SLC37A3: variants seen among roughly 807,000 people sequenced by gnomAD.
SLC37A3 encodes solute carrier family 37 member 3.
Under a neutral mutation model 67.1 loss-of-function variants are expected in SLC37A3, and 51 were observed. That is an observed-to-expected ratio of 0.76 (90% CI 0.61 to 0.96). SLC37A3 has a LOEUF of 0.96. Ranked by LOEUF, SLC37A3 falls within the 40% of genes least tolerant of loss-of-function variation. SLC37A3 has a pLI of 0.00. For missense variants in SLC37A3, 508 were observed against 603.0 expected (o/e 0.84, Z 1.65); for synonymous variants, 214 against 231.4 (o/e 0.92, Z 0.68).
chr7:140,347,546 A>C (rs1796613611), intron 10 of SLC37A3, among the ~76,000 whole-genome samples: 1 of 152,180 alleles, frequency 6.6e-6, no homozygotes, highest in East Asian at 1.9e-4. Flanking sequence ...GCCAAGTTCA[A>C]ATACAGTAAT....
chr7:140,343,987 C>G (rs910432544), intron 12 of SLC37A3: 1 of 222,046 alleles, frequency 4.5e-6, no homozygotes, highest in Non-Finnish European at 8.9e-6. Context: ...GCAGGTGACT[C>G]TATCTGCCAC....
chr7:140,384,556 A>G (rs560002657), intron 1 of SLC37A3, among the ~76,000 whole-genome samples: 1 of 111,716 alleles, frequency 9.0e-6, no homozygotes, highest in African/African-American at 3.4e-5. Context: ...TACAAAAACT[A>G]AAAAAAAAAA....
Position 140,345,750 on chromosome 7 carries a change from T to C in SLC37A3, c.1126+119A>G. 4 of 757,472 alleles carry C rather than the reference T, an allele frequency of 5.3e-6. No homozygotes were observed. The South Asian group carries it at 5.9e-5, about 11-fold the overall frequency. 46.9% of individuals were successfully genotyped at this position (757,472 alleles called of 1,614,324 possible). The stretch of plus-strand genomic sequence containing the variant: ...CACAGGACAATGCAAAGGTGGCATA[T>C]CGGGCCTTGAAGCTGGTCTCCAGGC... On this transcript the variant is annotated intron_variant, in intron 11 of 14. Coordinates refer to ENST00000326232, the MANE Select transcript of SLC37A3 (RefSeq NM_207113.3).
chr7:140,377,967 T>C (rs1213073642), intron 3 of SLC37A3, among the ~76,000 whole-genome samples: 1 of 152,224 alleles, frequency 6.6e-6, no homozygotes, highest in African/African-American at 2.4e-5. Flanking sequence ...TTCCCTTTGC[T>C]GAGTTTACCT....
Position 140,382,549 on chromosome 7 carries a change from A to G in SLC37A3, c.-23T>C. Reference sequence around the variant, plus strand: ...CATGTTCTTCCTGACCTTCCTTCTCACCTTTGACCTTAAGGTTTGGATGAG... The same window carrying G: ...CATGTTCTTCCTGACCTTCCTTCTCGCCTTTGACCTTAAGGTTTGGATGAG... On this transcript the variant is annotated 5_prime_UTR_variant, in exon 2 of 15. Transcript: ENST00000326232. The G allele has an allele frequency of 6.2e-7, 1 of 1,608,110 alleles. No individual in the cohort carries two copies. Among genetic ancestry groups the G allele is most frequent in the Non-Finnish European group, 8.5e-7 (1 of 1,175,154 alleles).
chr7:140,353,478 GA>G (rs778750469), intron 7 of SLC37A3, among the ~76,000 whole-genome samples: 372 of 139,992 alleles, frequency 2.7e-3, no homozygotes, highest in Non-Finnish European at 4.1e-3. Flanking sequence ...CTCTGTCTTG[GA>G]AAAAAAAAAA....
chr7:140,343,420 C>A lies in SLC37A3; in HGVS notation c.1318G>T (p.Val440Leu). ...CTCTCCTGTTCTCTCACCTGGCCCACTGCAGCTCCAATGCTCCCCGAACCA... is the reference window on the plus strand; with the variant it reads ...CTCTCCTGTTCTCTCACCTGGCCCAATGCAGCTCCAATGCTCCCCGAACCA... ...VDGSGSIGAA[V>L]GQYLVSLIRD... The change falls in exon 13 of 15, where the codon GTG (valine) becomes TTG (leucine). Residue 440 changes from valine to leucine, a missense_variant. Transcript: ENST00000326232. 6.2e-7 allele frequency: 1 copy of A among 1,613,664 alleles called. No individual in the cohort carries two copies. The highest frequency in any genetic ancestry group is 8.5e-7 in the Non-Finnish European group (1 of 1,179,934).
intron 9 of SLC37A3, among the ~76,000 whole-genome samples, chr7:140,349,544 G>A (rs984636621): frequency 1.3e-4 from 19 of 150,392 alleles, no homozygotes; most frequent in African/African-American, 3.7e-4. Context: ...AAAAAGGGGG[G>A]GGGGACAGAG....
intron 4 of SLC37A3, among the ~76,000 whole-genome samples, chr7:140,368,716 T>C (rs1273089142): frequency 2.0e-5 from 3 of 152,208 alleles, no homozygotes; most frequent in African/African-American, 4.8e-5. Flanking sequence ...TCAAATGTAA[T>C]GCATCCAAAA....
chr7:140,393,818 G>A (rs1019292912), intron 1 of SLC37A3, among the ~76,000 whole-genome samples: 4 of 152,008 alleles, frequency 2.6e-5, no homozygotes, highest in Admixed American at 6.6e-5. Flanking sequence ...GTGGCTCTCT[G>A]TGTCCTGAGT....
chr7:140,366,997 G>A (rs966717017), intron 4 of SLC37A3, among the ~76,000 whole-genome samples: 1 of 151,242 alleles, frequency 6.6e-6, no homozygotes. Context: ...AATTAGCAGG[G>A]CATGGTGGCA....
intron 6 of SLC37A3, among the ~76,000 whole-genome samples, chr7:140,356,710 TA>T (rs922638351): frequency 1.5e-3 from 226 of 152,116 alleles, no homozygotes; most frequent in Middle Eastern, 6.8e-3. Context: ...AAAATGTTTT[TA>T]AAAAGATGCT....
chr7:140,396,226 A>C (rs1238563122), intron 1 of SLC37A3, among the ~76,000 whole-genome samples: 1 of 151,712 alleles, frequency 6.6e-6, no homozygotes, highest in Non-Finnish European at 1.5e-5. Flanking sequence ...TGCTATGTTA[A>C]CCAGTCTGGT....
At chr7:140,349,109 T>C (rs968204343) in intron 9 of SLC37A3, among the ~76,000 whole-genome samples, 1 of 152,226 alleles carries the variant, frequency 6.6e-6, no homozygotes, top group Non-Finnish European at 1.5e-5. Flanking sequence ...CCATATTTCT[T>C]TATTCACACA....
intron 1 of SLC37A3, among the ~76,000 whole-genome samples, 165 bp from the exon 2 acceptor site, chr7:140,382,761 AG>A (rs1322556771): frequency 6.7e-6 from 1 of 149,306 alleles, no homozygotes; most frequent in Non-Finnish European, 1.5e-5. Flanking sequence ...TAAAGCTATT[AG>A]GTAGTTCTTA....
At chr7:140,372,152 G>C (rs1419560287) in intron 3 of SLC37A3, among the ~76,000 whole-genome samples, 1 of 152,042 alleles carries the variant, frequency 6.6e-6, no homozygotes, top group Non-Finnish European at 1.5e-5. Context: ...GCCCAGCCTA[G>C]TTTACAGAAC....
At chr7:140,345,848 T>C in intron 11 of SLC37A3, 21 bp downstream of exon 11, 1 of 1,563,334 alleles carries the variant, frequency 6.4e-7, no homozygotes, top group Non-Finnish European at 8.8e-7. Flanking sequence ...AAGGAATTAG[T>C]AATTGCAAAA....
At position 140,345,279 on chromosome 7, in the gene SLC37A3, C is replaced by A; in HGVS notation, c.1127-16G>T. ...TTTGGAGAACCTGTGAGGGAAGACA[C>A]AGACAAACCATGGTGGCTTGAAAAG... On this transcript the variant is annotated splice_polypyrimidine_tract_variant and intron_variant, in intron 11 of 14. Transcript: ENST00000326232. 1.2e-6 allele frequency: 2 copies of A among 1,612,604 alleles called. No individual in the cohort carries two copies. Among genetic ancestry groups the A allele is most frequent in the Non-Finnish European group, 1.7e-6 (2 of 1,178,810 alleles).
At chr7:140,391,644 G>T (rs1798729369) in intron 1 of SLC37A3, among the ~76,000 whole-genome samples, 1 of 152,146 alleles carries the variant, frequency 6.6e-6, no homozygotes, top group South Asian at 2.1e-4. Context: ...AGAGAAAAAG[G>T]AGTCAGGCTG....
Sources: gnomAD v4.1 joint callset for allele counts (sites outside exome capture counted in the v4.1 genomes callset) on GRCh38, gnomAD v4.1.1 for gene constraint, MANE v1.5 for transcripts, NCBI Gene and HGNC (gene_info 2026-07-23, HGNC 2026-07-21) for gene names.